The following INPP5F variants were observed in gnomAD, a reference collection of about 807,000 sequenced individuals.
INPP5F encodes the protein phosphatidylinositide 4-phosphatase SAC2.
In INPP5F, 97 loss-of-function variants were observed where a neutral mutation model predicts 137.2. The observed-to-expected ratio is 0.71, with a 90% CI of 0.60 to 0.84. The LOEUF (loss-of-function observed/expected upper bound fraction) is 0.84, where lower values mean the gene tolerates loss of function less well. Ranked by LOEUF, INPP5F falls within the 40% of genes least tolerant of loss-of-function variation. The probability of loss-of-function intolerance (pLI) is 0.00; values close to 1 mark genes in which losing one functional copy is unlikely to be tolerated. For missense variants in INPP5F, 1,271 were observed against 1,371.9 expected (o/e 0.93, Z 1.16); for synonymous variants, 504 against 476.9 (o/e 1.06, Z -0.74).
intron 13 of INPP5F, among the ~76,000 whole-genome samples, chr10:119,809,487 A>G (rs984612449): frequency 1.3e-5 from 2 of 152,086 alleles, no homozygotes; most frequent in African/African-American, 4.8e-5. Context: ...AAGAGACTAC[A>G]CCTTCCTTGC....
chr10:119,772,130 C>T (rs1849385726), intron 2 of INPP5F, among the ~76,000 whole-genome samples: 1 of 151,636 alleles, frequency 6.6e-6, no homozygotes, highest in African/African-American at 2.4e-5. Flanking sequence ...GATCTCCTGA[C>T]CTCGTGATCT....
chr10:119,805,541 C>CA lies in INPP5F; in HGVS notation c.1319+81dup, dbSNP rs1361395363. The CA allele has an allele frequency of 7.5e-6, 7 of 932,988 alleles. No individual in the cohort carries two copies. The East Asian group carries it at 1.7e-4, about 23-fold the overall frequency. The allele number at this position is 932,988 out of a possible 1,614,324, so 57.8% of individuals were successfully genotyped here. ...CCACTGAGCATTAAACTGATAGCAG[C>CA]ATGCAGAGACAGCATTTTTTTTTGT... On this transcript the variant is annotated intron_variant, in intron 11 of 19. Transcript: ENST00000650623.
chr10:119,740,582 G>T (rs1007381504), intron 1 of INPP5F, among the ~76,000 whole-genome samples: 1 of 151,658 alleles, frequency 6.6e-6, no homozygotes, highest in African/African-American at 2.4e-5. Context: ...TCACTCTTTC[G>T]CCCAGGCTGG....
chr10:119,728,936 C>G (rs1029809366), intron 1 of INPP5F, among the ~76,000 whole-genome samples: 7 of 152,266 alleles, frequency 4.6e-5, no homozygotes, highest in Admixed American at 4.6e-4. Context: ...TGGGAAGTCC[C>G]AGTGTGTTCC....
chr10:119,821,890 T>C (rs71482893), intron 16 of INPP5F, among the ~76,000 whole-genome samples: 20,370 of 133,270 alleles, frequency 0.15, 1,776 homozygotes, highest in South Asian at 0.41. Flanking sequence ...TTTTTTGAGA[T>C]GGAGTTTCGC....
intron 6 of INPP5F, among the ~76,000 whole-genome samples, chr10:119,794,261 ACATC>A (rs1850246796): frequency 6.6e-6 from 1 of 152,204 alleles, no homozygotes; most frequent in East Asian, 1.9e-4. Flanking sequence ...TTAACAAAGC[ACATC>A]TTGCACCGCC....
chr10:119,798,637 T>C, intron 9 of INPP5F, 27 bp downstream of exon 9: 1 of 1,477,222 alleles, frequency 6.8e-7, no homozygotes, highest in Non-Finnish European at 9.4e-7. Context: ...AGTAGTAAAA[T>C]GTTCCTTCAT....
intron 1 of INPP5F, among the ~76,000 whole-genome samples, chr10:119,746,887 C>T (rs771360279): frequency 1.3e-4 from 19 of 151,420 alleles, no homozygotes; most frequent in Non-Finnish European, 2.6e-4. Flanking sequence ...TTCCCGGATT[C>T]AAGCGATTCT....
intron 1 of INPP5F, among the ~76,000 whole-genome samples, chr10:119,731,656 T>C (rs1564796713): frequency 6.6e-6 from 1 of 152,184 alleles, no homozygotes; most frequent in Non-Finnish European, 1.5e-5. Context: ...AGAGTGAGAC[T>C]GTCTCAGAAA....
chr10:119,813,378 G>A (rs990379223), intron 15 of INPP5F, among the ~76,000 whole-genome samples: 2 of 152,272 alleles, frequency 1.3e-5, no homozygotes, highest in South Asian at 2.1e-4. Context: ...ATGGTGTGGT[G>A]GCTTGCACCT....
intron 1 of INPP5F, among the ~76,000 whole-genome samples, chr10:119,730,788 TG>T (rs1848034653): frequency 2.9e-4 from 14 of 48,524 alleles, no homozygotes; most frequent in African/African-American, 8.4e-4. Flanking sequence ...TGAATCCCAG[TG>T]AACTTTTTTT....
rs755932183 is a variant in INPP5F at position 119,823,115 on chromosome 10, C to T, written c.2077C>T (p.Arg693Ter). The T allele has an allele frequency of 1.2e-6, 2 of 1,613,912 alleles. No individual in the cohort carries two copies. The highest frequency in any genetic ancestry group is 1.7e-6 in the Non-Finnish European group (2 of 1,179,870). Residue 693 changes from arginine (R) to a stop codon, truncating the protein, a stop_gained, in exon 18 of 20, where the codon CGA becomes TGA. Coordinates refer to ENST00000650623, the MANE Select transcript of INPP5F (RefSeq NM_014937.4). LOFTEE classifies it high-confidence loss of function. ...TGGTAAGCCAAAGTTCTCCTGCATG[C>T]GACTGCACTACAGATACAAAGAAGC... ...LFGKPKFSCM[R>*]LHYRYKEASG...
intron 1 of INPP5F, among the ~76,000 whole-genome samples, chr10:119,738,194 T>C (rs2134107072): frequency 6.6e-6 from 1 of 152,380 alleles, no homozygotes; most frequent in South Asian, 2.1e-4. Context: ...ACTTAGGGTG[T>C]ATGTTGCATT....
At chr10:119,729,015 G>A (rs947010394) in intron 1 of INPP5F, among the ~76,000 whole-genome samples, 1 of 152,170 alleles carries the variant, frequency 6.6e-6, no homozygotes, top group Admixed American at 6.5e-5. Flanking sequence ...GGACAGAGAA[G>A]GCGTTTTTGT....
At chr10:119,784,607 C>G (rs187061237) in intron 3 of INPP5F, among the ~76,000 whole-genome samples, 1 of 152,134 alleles carries the variant, frequency 6.6e-6, no homozygotes, top group Non-Finnish European at 1.5e-5. Context: ...ATTTCAGAGA[C>G]GGGTATTAAT....
rs1267735553 is a variant in INPP5F, at chr10:119,748,951, A to G, written c.98-2125A>G. On this transcript the variant is annotated intron_variant, in intron 1 of 19. Transcript: ENST00000650623. This position sits in a 1 kb window ranked among gnomAD's most constrained non-coding sequence, Gnocchi z 4.7. ...GAGGGGTGCCTGCAGGCCCACTTGG[A>G]GCTGCCCTCACCCCTGCTGGCCTCT... 1.3e-5 allele frequency among the ~76,000 whole-genome samples: 2 copies of G among 152,106 alleles called. No homozygotes were observed. The highest frequency in any genetic ancestry group is 2.9e-5 in the Non-Finnish European group (2 of 68,004).
chr10:119,776,886 G>A (rs935222394), intron 2 of INPP5F, among the ~76,000 whole-genome samples: 1 of 152,050 alleles, frequency 6.6e-6, no homozygotes, highest in Non-Finnish European at 1.5e-5. Context: ...GAGTAGCTGA[G>A]ACTACAGGCA....
At chr10:119,726,439 G>A in intron 1 of INPP5F, 80 bp downstream of exon 1, 1 of 801,676 alleles carries the variant, frequency 1.2e-6, no homozygotes, top group South Asian at 5.9e-5. Context: ...CCTCAGCCGG[G>A]CGGGAGGAGC....
chr10:119,746,020 T>A (rs964476720), intron 1 of INPP5F, among the ~76,000 whole-genome samples: 1 of 152,120 alleles, frequency 6.6e-6, no homozygotes, highest in Non-Finnish European at 1.5e-5. Flanking sequence ...TACTGTTTAT[T>A]CAAGTTTTTC....
Sources: allele counts gnomAD v4.1 joint callset (sites outside exome capture counted in the v4.1 genomes callset), GRCh38; gene constraint gnomAD v4.1.1; non-coding constraint Gnocchi (gnomAD v3.1); transcripts MANE v1.5; gene names NCBI Gene and HGNC (gene_info 2026-07-23, HGNC 2026-07-21).